GRAMD1B: variants seen among roughly 807,000 people sequenced by gnomAD.
The protein encoded by GRAMD1B is GRAM domain containing 1B.
A neutral mutation model predicts 99.7 loss-of-function variants in GRAMD1B; 37 were observed. The observed-to-expected ratio is 0.37, with a 90% CI of 0.29 to 0.49. The LOEUF is 0.49. GRAMD1B is among the 20% of genes least tolerant of loss of function. The pLI is 0.98. For synonymous variants in GRAMD1B, 427 were observed against 387.6 expected (o/e 1.10, Z -1.19); for missense variants, 888 against 1,009.2 (o/e 0.88, Z 1.63).
At chr11:123,526,362 A>G (rs1339758143) in intron 2 of GRAMD1B, among the ~76,000 whole-genome samples, 4 of 151,886 alleles carry the variant, frequency 2.6e-5, no homozygotes, top group Non-Finnish European at 5.9e-5. Flanking sequence ...CTGCTGCACT[A>G]TTTTCCTTAC....
intron 1 of GRAMD1B, among the ~76,000 whole-genome samples, chr11:123,364,391 G>A (rs906803764): frequency 1.3e-5 from 2 of 152,184 alleles, no homozygotes; most frequent in African/African-American, 2.4e-5. Flanking sequence ...TGAGAGCATC[G>A]GCATGAGCCA....
chr11:123,566,932 AAAC>A (rs751152687), intron 2 of GRAMD1B, among the ~76,000 whole-genome samples: 30 of 152,306 alleles, frequency 2.0e-4, no homozygotes, highest in South Asian at 1.5e-3. Flanking sequence ...AGCAAGGAAA[AAAC>A]AACAACAAGA....
chr11:123,513,880 T>G (rs1268016090), intron 2 of GRAMD1B, among the ~76,000 whole-genome samples: 1 of 152,046 alleles, frequency 6.6e-6, no homozygotes, highest in East Asian at 1.9e-4. Context: ...GGTCTCGAAC[T>G]CCTGGGCTCA....
At chr11:123,578,476 G>C in intron 3 of GRAMD1B, 1 of 1,396,458 alleles carries the variant, frequency 7.2e-7, no homozygotes, top group Non-Finnish European at 9.8e-7. Flanking sequence ...CTCTAGTGTC[G>C]ATCTGTCTGT....
Position 123,430,898 on chromosome 11 carries a change from C to G in GRAMD1B, c.106C>G (p.Pro36Ala), listed in dbSNP as rs768783016. ...GSPVWSSSST[P>A]TLRRRRFKMR... is the part of the protein sequence containing the mutation. The stretch of plus-strand genomic sequence containing the variant: ...CCCGGTCTGGTCCAGTTCGTCGACC[C>G]CCACGCTTCGCCGCCGGCGCTTCAA... The change falls in exon 1 of 20, where the codon CCC (proline) becomes GCC (alanine). Residue 36 changes from proline to alanine, a missense_variant. Physicochemically the swap from Pro to Ala is conservative, Grantham distance 27. Transcript: ENST00000635736. The G allele has an allele frequency of 1.4e-6, 1 of 702,642 alleles. No homozygotes were observed. Among genetic ancestry groups the G allele is most frequent in the South Asian group, 1.5e-5 (1 of 67,600 alleles). The allele number at this position is 702,642 out of a possible 1,614,324, so 43.5% of individuals were successfully genotyped here.
intron 1 of GRAMD1B, among the ~76,000 whole-genome samples, chr11:123,397,300 C>A (rs961487533): frequency 2.0e-5 from 3 of 152,010 alleles, no homozygotes; most frequent in African/African-American, 7.2e-5. Flanking sequence ...CCCAGCTACT[C>A]GGGAGGCTGA....
chr11:123,485,840 G>C (rs554540357), intron 2 of GRAMD1B, among the ~76,000 whole-genome samples: 1 of 150,846 alleles, frequency 6.6e-6, no homozygotes, highest in Non-Finnish European at 1.5e-5. Flanking sequence ...TCAGCCTCTC[G>C]AGTAGCTGGG....
intron 4 of GRAMD1B, among the ~76,000 whole-genome samples, chr11:123,590,201 G>A (rs1950510709): frequency 6.6e-6 from 1 of 152,186 alleles, no homozygotes; most frequent in Non-Finnish European, 1.5e-5. Context: ...GGAAGAGGGT[G>A]CCTCAGACAG....
intron 1 of GRAMD1B, among the ~76,000 whole-genome samples, chr11:123,438,502 G>A (rs1949265859): frequency 6.6e-6 from 1 of 152,184 alleles, no homozygotes; most frequent in Non-Finnish European, 1.5e-5. Context: ...CCTGTTGACG[G>A]TCTAGGTGGA....
At chr11:123,406,445 G>A (rs1009982851) in intron 1 of GRAMD1B, among the ~76,000 whole-genome samples, 5 of 151,948 alleles carry the variant, frequency 3.3e-5, no homozygotes, top group Non-Finnish European at 7.4e-5. Flanking sequence ...GTAGAGACGG[G>A]GTTTCACCAT....
chr11:123,513,597 C>CTTTCTTT lies in GRAMD1B; in HGVS notation c.452+32704_452+32705insTTTCTTT, dbSNP rs1941322558. ...CCTTCCTTTCCTTCCTTCCTTCCTTCCTTCCTTCCTTCCTTCCTTCCTTTC... is the reference window on the plus strand; with the variant it reads ...CCTTCCTTTCCTTCCTTCCTTCCTTCTTTCTTTCTTCCTTCCTTCCTTCCTTCCTTTC... On this transcript the variant is annotated intron_variant, in intron 2 of 19. Transcript: ENST00000635736. Among the ~76,000 whole-genome samples the CTTTCTTT allele has an allele frequency of 4.4e-4, 20 of 45,056 alleles. 1 individual carries two copies. The highest frequency in any genetic ancestry group is 1.5e-3 in the African/African-American group (19 of 12,758). 29.6% of individuals were successfully genotyped at this position (45,056 alleles called of 152,430 possible). A position where few individuals can be genotyped will look rare whatever the true frequency, so the allele number is the denominator to read the frequency against.
chr11:123,494,852 C>T (rs1040404647), intron 2 of GRAMD1B, among the ~76,000 whole-genome samples: 6 of 152,038 alleles, frequency 3.9e-5, no homozygotes, highest in African/African-American at 1.2e-4. Context: ...ACAGAGAGTC[C>T]GATCTTAGGC....
At chr11:123,453,770 A>G (rs1049617832) in intron 1 of GRAMD1B, among the ~76,000 whole-genome samples, 1 of 152,296 alleles carries the variant, frequency 6.6e-6, no homozygotes, top group South Asian at 2.1e-4. Context: ...ACTCAAACCT[A>G]TGCACCTCAG....
chr11:123,551,899 T>A (rs1360270898), intron 2 of GRAMD1B, among the ~76,000 whole-genome samples: 4 of 152,214 alleles, frequency 2.6e-5, no homozygotes, highest in Non-Finnish European at 5.9e-5. Context: ...TTCATTTCCC[T>A]ATGCTTCTCT....
At chr11:123,519,126 A>G (rs1323889718) in intron 2 of GRAMD1B, among the ~76,000 whole-genome samples, 1 of 152,182 alleles carries the variant, frequency 6.6e-6, no homozygotes, top group Non-Finnish European at 1.5e-5. Context: ...CCTGGAGGGC[A>G]GGGGTGTGCA....
intron 1 of GRAMD1B, among the ~76,000 whole-genome samples, chr11:123,396,627 C>G (rs1470443855): frequency 2.0e-5 from 3 of 152,128 alleles, no homozygotes; most frequent in Non-Finnish European, 4.4e-5. Flanking sequence ...GCCATGTGTC[C>G]CACTGCTCTG....
chr11:123,615,719 T>C (rs1954282298), intron 17 of GRAMD1B, among the ~76,000 whole-genome samples: 1 of 152,222 alleles, frequency 6.6e-6, no homozygotes, highest in Non-Finnish European at 1.5e-5. Flanking sequence ...GTGCCATAGG[T>C]TATCCAGGAA....
At chr11:123,410,245 AAAAC>A (rs1335626314) in intron 1 of GRAMD1B, among the ~76,000 whole-genome samples, 4 of 152,282 alleles carry the variant, frequency 2.6e-5, no homozygotes, top group South Asian at 2.1e-4. Flanking sequence ...AAACAAACAA[AAAAC>A]AAACAAACAA....
intron 2 of GRAMD1B, among the ~76,000 whole-genome samples, chr11:123,548,118 A>C (rs899230321): frequency 6.6e-6 from 1 of 151,400 alleles, no homozygotes; most frequent in Non-Finnish European, 1.5e-5. Context: ...ATGACGTGAG[A>C]AGAGATTGCA....
Sources: allele counts gnomAD v4.1 joint callset (sites outside exome capture counted in the v4.1 genomes callset), GRCh38; gene constraint gnomAD v4.1.1; transcripts MANE v1.5; gene names NCBI Gene and HGNC (gene_info 2026-07-23, HGNC 2026-07-21).